GLIS3: variants seen among roughly 807,000 people sequenced by gnomAD.
GLIS3 encodes zinc finger protein GLIS3.
GLIS3 carries 53 observed loss-of-function variants against 78.6 expected under a neutral mutation model. That is an observed-to-expected ratio of 0.67 (90% confidence interval 0.54 to 0.85). The LOEUF (loss-of-function observed/expected upper bound fraction) is 0.85, where lower values mean the gene tolerates loss of function less well. Among genes scored for constraint, GLIS3 ranks in the 40% least tolerant of loss-of-function variants. The pLI, the probability that GLIS3 is intolerant of heterozygous loss-of-function variation, is 0.00. For synonymous variants in GLIS3, 684 were observed against 509.9 expected (o/e 1.34, Z -4.60); for missense variants, 1,703 against 1,231.1 (o/e 1.38, Z -5.74).
chr9:4,072,735 A>T (rs1023838328), intron 4 of GLIS3, among the ~76,000 whole-genome samples: 2 of 142,274 alleles, frequency 1.4e-5, no homozygotes, highest in African/African-American at 5.9e-5. Context: ...CTTTCTAAAG[A>T]GAACTGTTTT....
At chr9:3,926,197 G>T (rs1352731051) in intron 6 of GLIS3, among the ~76,000 whole-genome samples, 1 of 150,418 alleles carries the variant, frequency 6.6e-6, no homozygotes, top group Admixed American at 6.6e-5. Context: ...ATACAGGAAG[G>T]TACAGTATTG....
intron 4 of GLIS3, among the ~76,000 whole-genome samples, chr9:4,047,544 G>A (rs1238476279): frequency 6.6e-6 from 1 of 151,986 alleles, no homozygotes; most frequent in Non-Finnish European, 1.5e-5. Flanking sequence ...ACCCTTTCTG[G>A]TTCACTTACT....
At chr9:3,994,619 A>G (rs1486811469) in intron 4 of GLIS3, among the ~76,000 whole-genome samples, 1 of 152,224 alleles carries the variant, frequency 6.6e-6, no homozygotes, top group Non-Finnish European at 1.5e-5. Context: ...TGGAATTTCT[A>G]CATTACTGTG....
intron 4 of GLIS3, among the ~76,000 whole-genome samples, chr9:4,108,373 G>A (rs1387491099): frequency 6.6e-6 from 1 of 152,116 alleles, no homozygotes; most frequent in Non-Finnish European, 1.5e-5. Flanking sequence ...CAAAAATAAG[G>A]AGCAAGGCAT....
chr9:3,946,339 G>T (rs999650457), intron 4 of GLIS3, among the ~76,000 whole-genome samples: 1 of 152,230 alleles, frequency 6.6e-6, no homozygotes, highest in African/African-American at 2.4e-5. Context: ...TAAATGCTAA[G>T]GAAAATGGAG....
chr9:4,057,034 G>T (rs1391072151), intron 4 of GLIS3, among the ~76,000 whole-genome samples: 1 of 151,222 alleles, frequency 6.6e-6, no homozygotes, highest in Non-Finnish European at 1.5e-5. Flanking sequence ...TTACATACTG[G>T]CCATGCATCT....
At chr9:3,927,964 A>G (rs1237672647) in intron 6 of GLIS3, among the ~76,000 whole-genome samples, 1 of 152,244 alleles carries the variant, frequency 6.6e-6, no homozygotes, top group Non-Finnish European at 1.5e-5. Flanking sequence ...AGCATCTCCC[A>G]GAGCCTTTAT....
chr9:4,082,652 C>G (rs770933629), intron 4 of GLIS3, among the ~76,000 whole-genome samples: 3 of 152,170 alleles, frequency 2.0e-5, no homozygotes, highest in Non-Finnish European at 2.9e-5. Context: ...ATTCACGAAA[C>G]TTTGATCAGT....
chr9:4,222,664 A>T (rs1821432060), intron 2 of GLIS3, among the ~76,000 whole-genome samples: 1 of 152,208 alleles, frequency 6.6e-6, no homozygotes, highest in South Asian at 2.1e-4. Context: ...AAGGTCAAAG[A>T]ACAGTGCTAC....
chr9:4,246,526 T>G (rs1337552458), intron 2 of GLIS3, among the ~76,000 whole-genome samples: 1 of 152,212 alleles, frequency 6.6e-6, no homozygotes, highest in Non-Finnish European at 1.5e-5. Context: ...TTTCAGGATG[T>G]CTAATGTCTC....
intron 2 of GLIS3, among the ~76,000 whole-genome samples, chr9:4,276,048 C>T (rs1452206308): frequency 6.6e-6 from 1 of 151,760 alleles, no homozygotes; most frequent in Non-Finnish European, 1.5e-5. Context: ...TTTGGAAGGC[C>T]GAGGCAGATG....
chr9:4,000,601 A>G (rs2129908856), intron 4 of GLIS3, among the ~76,000 whole-genome samples: 1 of 152,256 alleles, frequency 6.6e-6, no homozygotes, highest in East Asian at 1.9e-4. Context: ...AGAAAAGGTT[A>G]TTTTCTTAGT....
At chr9:3,930,032 T>C (rs1352008832) in intron 6 of GLIS3, among the ~76,000 whole-genome samples, 1 of 152,230 alleles carries the variant, frequency 6.6e-6, no homozygotes, top group Non-Finnish European at 1.5e-5. Flanking sequence ...GTGGATTGAC[T>C]AGTTTCAGGT....
chr9:4,244,337 C>T (rs13291381), intron 2 of GLIS3, among the ~76,000 whole-genome samples: 21,255 of 152,192 alleles, frequency 0.14, 1,649 homozygotes, highest in Non-Finnish European at 0.17. Context: ...GACTTGGATA[C>T]TTACCAAGAG....
intron 4 of GLIS3, among the ~76,000 whole-genome samples, chr9:4,003,687 A>C (rs150865185): frequency 2.1e-3 from 315 of 152,332 alleles, no homozygotes; most frequent in African/African-American, 7.2e-3. Flanking sequence ...AAGAAGCTTC[A>C]TTCACTGGTT....
chr9:4,160,064 T>C (rs970427613), intron 2 of GLIS3, among the ~76,000 whole-genome samples: 2 of 152,226 alleles, frequency 1.3e-5, no homozygotes, highest in Non-Finnish European at 2.9e-5. Flanking sequence ...AACTTTATTA[T>C]CATAAAGGAT....
chr9:4,051,151 C>A (rs1262490715), intron 4 of GLIS3, among the ~76,000 whole-genome samples: 1 of 152,214 alleles, frequency 6.6e-6, no homozygotes, highest in South Asian at 2.1e-4. Flanking sequence ...TGGAAGCAGA[C>A]AATGAGCCTC....
chr9:4,032,435 T>C (rs1379739356), intron 4 of GLIS3, among the ~76,000 whole-genome samples: 4 of 152,106 alleles, frequency 2.6e-5, no homozygotes, highest in East Asian at 3.8e-4. Flanking sequence ...CTGCATAGAA[T>C]GCTTTTTTTT....
intron 4 of GLIS3, among the ~76,000 whole-genome samples, chr9:4,032,777 GC>G (rs1823956042): frequency 1.3e-5 from 2 of 151,960 alleles, no homozygotes; most frequent in South Asian, 2.1e-4. Context: ...GGATGCCCCT[GC>G]CCCCACTGCC....
Sources: gnomAD v4.1 joint callset for allele counts (sites outside exome capture counted in the v4.1 genomes callset) on GRCh38, gnomAD v4.1.1 for gene constraint, MANE v1.5 for transcripts, NCBI Gene and HGNC (gene_info 2026-07-23, HGNC 2026-07-21) for gene names.